The following WWC1 variants were observed in gnomAD, a reference collection of about 807,000 sequenced individuals.
WWC1 encodes the protein protein KIBRA.
In WWC1, 55 loss-of-function variants were observed where a neutral mutation model predicts 138.4. The observed-to-expected ratio is 0.40, with a 90% CI of 0.32 to 0.50. The LOEUF is 0.50. Among genes scored for constraint, WWC1 ranks in the 20% least tolerant of loss-of-function variants. The probability of loss-of-function intolerance (pLI) is 0.72; values close to 1 mark genes in which losing one functional copy is unlikely to be tolerated. For synonymous variants in WWC1, 524 were observed against 564.9 expected, an observed-to-expected ratio of 0.93 and a Z score of 1.03; for missense variants, 1,226 against 1,420.4, an observed-to-expected ratio of 0.86 and a Z score of 2.20.
intron 2 of WWC1, among the ~76,000 whole-genome samples, chr5:168,378,728 T>C (rs1327624487): frequency 6.6e-6 from 1 of 152,224 alleles, no homozygotes; most frequent in Non-Finnish European, 1.5e-5. Flanking sequence ...CAGACCTTCA[T>C]CAGTATGGGG....
intron 1 of WWC1, among the ~76,000 whole-genome samples, chr5:168,348,423 A>G (rs939292408): frequency 1.3e-5 from 2 of 152,156 alleles, no homozygotes; most frequent in Non-Finnish European, 2.9e-5. Flanking sequence ...CCACAGCCGG[A>G]TGGGAAGAGC....
chr5:168,455,203 G>A (rs1756197482), intron 18 of WWC1, among the ~76,000 whole-genome samples, 153 bp from the exon 19 acceptor site: 1 of 152,142 alleles, frequency 6.6e-6, no homozygotes, highest in Admixed American at 6.5e-5. Context: ...ACCAGGCTGA[G>A]CTCATCTAGC....
intron 6 of WWC1, among the ~76,000 whole-genome samples, chr5:168,408,028 A>AT (rs1181472544): frequency 0.39 from 45,256 of 117,270 alleles, 10,086 homozygotes; most frequent in East Asian, 0.77. Flanking sequence ...ACATCCAGCT[A>AT]TTTTTTTTTT....
intron 1 of WWC1, among the ~76,000 whole-genome samples, chr5:168,305,561 G>A (rs1358090988): frequency 1.3e-5 from 2 of 152,104 alleles, no homozygotes; most frequent in East Asian, 1.9e-4. Context: ...CCCCGGGTCC[G>A]GAGTTTTGGA....
chr5:168,469,365 G>A lies in WWC1; in HGVS notation c.*348G>A. ...CTTAAAATCGTTTAGATTTTTTTTGGTTTGTACAGCTCCACCTTTTAGAGG... is the reference window on the plus strand; with the variant it reads ...CTTAAAATCGTTTAGATTTTTTTTGATTTGTACAGCTCCACCTTTTAGAGG... On this transcript the variant is annotated 3_prime_UTR_variant, in exon 23 of 23. Coordinates refer to ENST00000265293, the MANE Select transcript of WWC1 (RefSeq NM_015238.3). 1 of 264,356 alleles carries A rather than the reference G, an allele frequency of 3.8e-6. No individual in the cohort carries two copies. Among genetic ancestry groups the A allele is most frequent in the South Asian group, 6.0e-5 (1 of 16,776 alleles). 16.4% of individuals were successfully genotyped at this position (264,356 alleles called of 1,614,324 possible). A position where few individuals can be genotyped will look rare whatever the true frequency, so the allele number is the denominator to read the frequency against.
intron 10 of WWC1, 143 bp downstream of exon 10, chr5:168,422,240 G>A: frequency 1.3e-6 from 1 of 781,164 alleles, no homozygotes; most frequent in Non-Finnish European, 2.1e-6. Flanking sequence ...TGGATTGTCA[G>A]CAGACTCGGG....
intron 1 of WWC1, among the ~76,000 whole-genome samples, chr5:168,294,291 A>G (rs1769331238): frequency 6.6e-6 from 1 of 151,888 alleles, no homozygotes; most frequent in Admixed American, 6.6e-5. Context: ...TGCTATATCC[A>G]CCTGTGCTAT....
intron 1 of WWC1, among the ~76,000 whole-genome samples, chr5:168,368,987 A>C (rs1215981508): frequency 6.6e-6 from 1 of 152,120 alleles, no homozygotes; most frequent in Non-Finnish European, 1.5e-5. Flanking sequence ...TTCTACTCCA[A>C]AATGGTAGTT....
intron 1 of WWC1, among the ~76,000 whole-genome samples, chr5:168,328,884 C>T (rs753415924): frequency 3.9e-5 from 6 of 152,172 alleles, no homozygotes; most frequent in Non-Finnish European, 8.8e-5. Flanking sequence ...TGCATGACCT[C>T]GGTGTCTGGT....
At chr5:168,325,237 C>T (rs547973815) in intron 1 of WWC1, among the ~76,000 whole-genome samples, 2 of 152,306 alleles carry the variant, frequency 1.3e-5, no homozygotes, top group South Asian at 4.1e-4. Flanking sequence ...ACAGGGTACC[C>T]CACCCTAGCT....
chr5:168,435,903 C>T (rs1028477419), intron 15 of WWC1, among the ~76,000 whole-genome samples: 2 of 151,826 alleles, frequency 1.3e-5, no homozygotes, highest in Non-Finnish European at 2.9e-5. Context: ...AGGGCAATGG[C>T]GTGATCTTGG....
At chr5:168,430,349 A>G (rs768294585) in intron 14 of WWC1, 126 bp downstream of exon 14, 3 of 685,998 alleles carry the variant, frequency 4.4e-6, no homozygotes, top group Non-Finnish European at 7.4e-6. Flanking sequence ...TTTGTACTGC[A>G]TATGACTGTG....
At chr5:168,425,071 T>C (rs1781400027) in intron 11 of WWC1, among the ~76,000 whole-genome samples, 1 of 152,236 alleles carries the variant, frequency 6.6e-6, no homozygotes, top group South Asian at 2.1e-4. Context: ...GTTATTTCTA[T>C]TCTGTCCATT....
chr5:168,357,481 TGTGTGTGTGTGTGCGC>T (rs1360280416), intron 1 of WWC1, among the ~76,000 whole-genome samples: 2 of 79,824 alleles, frequency 2.5e-5, no homozygotes, highest in African/African-American at 6.8e-5. Context: ...TGTGTGTGTG[TGTGTGTGTGTGTGCGC>T]GCGCGCACGC....
chr5:168,356,353 C>T (rs182666167), intron 1 of WWC1, among the ~76,000 whole-genome samples: 33 of 152,382 alleles, frequency 2.2e-4, no homozygotes, highest in Middle Eastern at 3.4e-3. Flanking sequence ...GGCCCAAGCT[C>T]TCACGGCTGT....
chr5:168,409,292 A>G (rs1301199565), intron 7 of WWC1, among the ~76,000 whole-genome samples: 1 of 152,080 alleles, frequency 6.6e-6, no homozygotes, highest in Admixed American at 6.5e-5. Context: ...GTTCCTATCT[A>G]AGTTCCATAG....
At chr5:168,386,623 C>T (rs1444996593) in intron 3 of WWC1, among the ~76,000 whole-genome samples, 1 of 151,794 alleles carries the variant, frequency 6.6e-6, no homozygotes, top group Admixed American at 6.6e-5. Context: ...TCTCGATCTC[C>T]TGTCCTCGTG....
At chr5:168,296,251 C>A (rs13159035) in intron 1 of WWC1, among the ~76,000 whole-genome samples, 17,461 of 152,184 alleles carry the variant, frequency 0.11, 1,234 homozygotes, top group Admixed American at 0.22. Context: ...ATAGGAACCA[C>A]CTGGGAATTC....
At chr5:168,314,214 A>G (rs1487543523) in intron 1 of WWC1, among the ~76,000 whole-genome samples, 1 of 132,202 alleles carries the variant, frequency 7.6e-6, no homozygotes, top group Admixed American at 8.0e-5. Flanking sequence ...AGTCTACAAT[A>G]AGTTTCCCAG....
Sources: gnomAD v4.1 joint callset for allele counts (sites outside exome capture counted in the v4.1 genomes callset) on GRCh38, gnomAD v4.1.1 for gene constraint, MANE v1.5 for transcripts, NCBI Gene and HGNC (gene_info 2026-07-23, HGNC 2026-07-21) for gene names.